BTBD8: variants seen among roughly 807,000 people sequenced by gnomAD.
BTBD8 encodes the protein BTB domain containing 8.
Under a neutral mutation model 162.9 loss-of-function variants are expected in BTBD8, and 110 were observed. The observed-to-expected ratio is 0.68, with a 90% CI of 0.58 to 0.79. The LOEUF (loss-of-function observed/expected upper bound fraction) is 0.79, where lower values mean the gene tolerates loss of function less well. Among genes scored for constraint, BTBD8 ranks in the 30% least tolerant of loss-of-function variants. The pLI is 0.00. For missense variants in BTBD8, 1,905 were observed against 2,085.4 expected, an observed-to-expected ratio of 0.91 and a Z score of 1.68; for synonymous variants, 667 against 716.1, an observed-to-expected ratio of 0.93 and a Z score of 1.10.
intron 16 of BTBD8, among the ~76,000 whole-genome samples, chr1:92,179,507 T>G (rs942078895): frequency 6.6e-6 from 1 of 152,236 alleles, no homozygotes; most frequent in Non-Finnish European, 1.5e-5. Flanking sequence ...TTATGAATTA[T>G]TACTGAAAAT....
chr1:92,109,331 G>A (rs1648827583), intron 4 of BTBD8, among the ~76,000 whole-genome samples: 1 of 150,546 alleles, frequency 6.6e-6, no homozygotes, highest in African/African-American at 2.4e-5. Flanking sequence ...ATGAGACCAT[G>A]TGGGCATCCT....
At position 92,184,179 on chromosome 1, in the gene BTBD8, A is replaced by G; in HGVS notation, c.5228A>G (p.Gln1743Arg). 1.3e-6 allele frequency: 2 copies of G among 1,551,592 alleles called. No homozygotes were observed. Among genetic ancestry groups the G allele is most frequent in the Non-Finnish European group, 1.7e-6 (2 of 1,146,852 alleles). The change falls in exon 18 of 18, where the codon CAG becomes CGG. Residue 1743 changes from glutamine (Q) to arginine (R), a missense_variant. By Grantham distance (43) the Gln-to-Arg change is conservative. Transcript: ENST00000636805. ...LLLARDSSKP[Q>R]GITHIDTLNR... ...TTAGCACGAGATAGCTCAAAACCTCAGGGTATAACACATATTGACACTTTG... is the reference window on the plus strand; with the variant it reads ...TTAGCACGAGATAGCTCAAAACCTCGGGGTATAACACATATTGACACTTTG...
In BTBD8 at chr1:92,180,941, C is replaced by T. The variant is rs1423506562; in HGVS notation, c.3258C>T (p.Ser1086=). The T allele has an allele frequency of 6.4e-7, 1 of 1,551,590 alleles. No homozygotes were observed. The highest frequency in any genetic ancestry group is 2.0e-5 in the Admixed American group (1 of 51,004). ...ATAATGTAAATTCAAAATTTTATAG[C>T]ACCACAGCCCTAAAATACATGGTTT... The part of the protein sequence containing the change: ...GSDNVNSKFY[S]TTALKYMVSN... Residue 1086 remains serine (S), a synonymous_variant, in exon 17 of 18, where the codon AGC becomes AGT. Transcript: ENST00000636805.
At chr1:92,130,094 G>T (rs997381989) in intron 5 of BTBD8, among the ~76,000 whole-genome samples, 20 of 152,174 alleles carry the variant, frequency 1.3e-4, no homozygotes, top group African/African-American at 4.6e-4. Flanking sequence ...TGAGGGCTCT[G>T]CCCCTGGGTT....
intron 2 of BTBD8, among the ~76,000 whole-genome samples, chr1:92,094,309 T>C (rs1251490904): frequency 6.6e-6 from 1 of 152,220 alleles, no homozygotes; most frequent in Non-Finnish European, 1.5e-5. Flanking sequence ...TAGAAAGCAC[T>C]TGTGACGTAC....
At chr1:92,149,327 G>A (rs968508109) in intron 9 of BTBD8, among the ~76,000 whole-genome samples, 1 of 152,130 alleles carries the variant, frequency 6.6e-6, no homozygotes, top group African/African-American at 2.4e-5. Context: ...TCAGATTGAA[G>A]AATGAACATC....
In BTBD8 at chr1:92,156,872, T is replaced by G. The variant is rs182822682; in HGVS notation, c.1122+9086T>G. Among the ~76,000 whole-genome samples the G allele has an allele frequency of 6.6e-5, 10 of 152,186 alleles. 1 individual carries two copies. The East Asian group carries it at 1.9e-3, about 29-fold the overall frequency. On this transcript the variant is annotated intron_variant, in intron 9 of 17. Coordinates refer to ENST00000636805, the MANE Select transcript of BTBD8 (RefSeq NM_001376131.1). ...AAAGGATTGTCAATTTTGTTTATCTTTTCAAAAAAGCAACTCAGTTTTGTT... is the reference window on the plus strand; with the variant it reads ...AAAGGATTGTCAATTTTGTTTATCTGTTCAAAAAAGCAACTCAGTTTTGTT...
chr1:92,163,390 A>G (rs1451186775), intron 9 of BTBD8, among the ~76,000 whole-genome samples: 2 of 149,664 alleles, frequency 1.3e-5, no homozygotes, highest in South Asian at 2.1e-4. Flanking sequence ...AAAAGGCAAG[A>G]TACAGAGTAC....
At chr1:92,142,308 G>A (rs570757606) in intron 7 of BTBD8, among the ~76,000 whole-genome samples, 1 of 152,312 alleles carries the variant, frequency 6.6e-6, no homozygotes, top group African/African-American at 2.4e-5. Flanking sequence ...GGGGATCCAA[G>A]TAAATCACAA....
chr1:92,082,296 G>A (rs867512187), intron 1 of BTBD8, among the ~76,000 whole-genome samples: 3 of 152,120 alleles, frequency 2.0e-5, no homozygotes, highest in South Asian at 4.1e-4. Flanking sequence ...TCCAAGCATA[G>A]CAATGTCATT....
Position 92,094,787 on chromosome 1 carries a change from G to A in BTBD8, c.347+5892G>A, listed in dbSNP as rs573450088. Among the ~76,000 whole-genome samples the A allele has an allele frequency of 6.6e-5, 10 of 152,164 alleles. No individual in the cohort carries two copies. In the East Asian group the frequency reaches 1.5e-3, roughly 23 times the overall value. On this transcript the variant is annotated intron_variant, in intron 2 of 17. Transcript: ENST00000636805. ...TGTGAGAGTGTGTGTGCATGTGAGA[G>A]GTAAAGAAAAGAGGGAGGACCTTTG...
At chr1:92,084,436 A>G (rs1445370824) in intron 1 of BTBD8, among the ~76,000 whole-genome samples, 2 of 152,216 alleles carry the variant, frequency 1.3e-5, no homozygotes, top group East Asian at 1.9e-4. Flanking sequence ...TGTGAGGAAC[A>G]TCTGAGCTCC....
At chr1:92,082,643 A>T (rs1404602315) in intron 1 of BTBD8, among the ~76,000 whole-genome samples, 1 of 152,220 alleles carries the variant, frequency 6.6e-6, no homozygotes, top group East Asian at 1.9e-4. Flanking sequence ...AGCAAGTCGT[A>T]TTAGACTCTG....
chr1:92,159,497 T>C (rs1294478212), intron 9 of BTBD8, among the ~76,000 whole-genome samples: 2 of 152,170 alleles, frequency 1.3e-5, no homozygotes, highest in Non-Finnish European at 2.9e-5. Flanking sequence ...CCTTCACCAA[T>C]GAGTTTCATA....
chr1:92,080,484 G>A lies in BTBD8; in HGVS notation c.-88G>A, dbSNP rs1050768466. ...GGGCGGATTTGGGTAGGAGCCGAGC[G>A]TTCGGTCGGAAACGCCCCCTTCTTC... On this transcript the variant is annotated 5_prime_UTR_variant, in exon 1 of 18. Coordinates refer to ENST00000636805, the MANE Select transcript of BTBD8 (RefSeq NM_001376131.1). 7 of 1,557,834 alleles carry A rather than the reference G, an allele frequency of 4.5e-6. No homozygotes were observed. The African/African-American group carries it at 8.3e-5, about 19-fold the overall frequency.
chr1:92,114,403 C>T (rs1570725850), intron 4 of BTBD8, among the ~76,000 whole-genome samples: 1 of 152,104 alleles, frequency 6.6e-6, no homozygotes, highest in East Asian at 1.9e-4. Context: ...AAGTTTATTA[C>T]AAACATATTG....
rs2100698912 is a variant in BTBD8, at chr1:92,184,644, G to A, written c.*314G>A. The A allele has an allele frequency of 4.8e-6, 1 of 210,480 alleles. No individual in the cohort carries two copies. Among genetic ancestry groups the A allele is most frequent in the Non-Finnish European group, 9.6e-6 (1 of 104,602 alleles). The allele number at this position is 210,480 out of a possible 1,614,324, so 13.0% of individuals were successfully genotyped here. On this transcript the variant is annotated 3_prime_UTR_variant, in exon 18 of 18. Transcript: ENST00000636805. ...AAGAATTTAAAATGTGAATGCAGAA[G>A]TAGATCAGTCCCTTTACTTTTTGCT...
Position 92,112,131 on chromosome 1 carries a change from C to T in BTBD8, c.662+4130C>T, listed in dbSNP as rs569835561. 2.6e-5 allele frequency among the ~76,000 whole-genome samples: 4 copies of T among 152,220 alleles called. No homozygotes were observed. In the South Asian group the frequency reaches 8.3e-4, roughly 32 times the overall value. The stretch of plus-strand genomic sequence containing the variant: ...GCACTTAAAAAATTGCTGTTGTGAA[C>T]AGGTGCAGTGATTCACACCTGTTAT... On this transcript the variant is annotated intron_variant, in intron 4 of 17. Coordinates refer to ENST00000636805, the MANE Select transcript of BTBD8 (RefSeq NM_001376131.1).
At chr1:92,163,614 T>C (rs543491113) in intron 9 of BTBD8, among the ~76,000 whole-genome samples, 2 of 151,998 alleles carry the variant, frequency 1.3e-5, no homozygotes, top group South Asian at 4.1e-4. Flanking sequence ...GTTTATTGTT[T>C]ATTGTGAAGA....
Sources: allele counts gnomAD v4.1 joint callset (sites outside exome capture counted in the v4.1 genomes callset), GRCh38; gene constraint gnomAD v4.1.1; transcripts MANE v1.5; gene names NCBI Gene and HGNC (gene_info 2026-07-23, HGNC 2026-07-21).